Variants in CTNNA2 observed in about 807,000 individuals in gnomAD.
CTNNA2 encodes the protein catenin alpha 2.
In CTNNA2, 42 loss-of-function variants were observed where a neutral mutation model predicts 101.0. The observed-to-expected ratio is 0.42, with a 90% CI of 0.32 to 0.54. The LOEUF is 0.54. CTNNA2 is among the 20% of genes least tolerant of loss of function. CTNNA2 has a pLI of 0.14. For missense variants in CTNNA2, 871 were observed against 1,223.1 expected (o/e 0.71, Z 4.29); for synonymous variants, 450 against 456.4 (o/e 0.99, Z 0.18).
rs184969745 is a variant in CTNNA2 at position 80,493,060 on chromosome 2, A to C, written c.1291-51922A>C. Among the ~76,000 whole-genome samples, 4 of 152,308 alleles carry C rather than the reference A, an allele frequency of 2.6e-5. No homozygotes were observed. The East Asian group carries it at 5.8e-4, about 22-fold the overall frequency. On this transcript the variant is annotated intron_variant, in intron 9 of 18. Coordinates refer to ENST00000402739, the MANE Select transcript of CTNNA2 (RefSeq NM_001282597.3). The stretch of plus-strand genomic sequence containing the variant: ...TGAAAGAAGGTTGGATAAGTGGATA[A>C]GTGGTCTTCATGAGAAAGGAGTGTT...
At chr2:79,223,120 A>G (rs1674366395) in intron 2 of CTNNA2, among the ~76,000 whole-genome samples, 1 of 152,166 alleles carries the variant, frequency 6.6e-6, no homozygotes, top group African/African-American at 2.4e-5. Flanking sequence ...TGTTCGTGCC[A>G]CTGCACTCCA....
chr2:79,717,677 A>AG (rs1338639071), intron 2 of CTNNA2, among the ~76,000 whole-genome samples: 1 of 152,216 alleles, frequency 6.6e-6, no homozygotes, highest in Non-Finnish European at 1.5e-5. Context: ...GGAAAAAATT[A>AG]GGTGTAAATG....
intron 8 of CTNNA2, among the ~76,000 whole-genome samples, chr2:80,410,398 G>A (rs1679462080): frequency 6.6e-6 from 1 of 152,138 alleles, no homozygotes; most frequent in African/African-American, 2.4e-5. Context: ...GCCTTAATTG[G>A]GTAAAATAGA....
intron 7 of CTNNA2, among the ~76,000 whole-genome samples, chr2:80,174,953 C>T (rs1479478826): frequency 1.3e-5 from 2 of 152,134 alleles, no homozygotes; most frequent in African/African-American, 4.8e-5. Flanking sequence ...ATATCACCCT[C>T]ACCTTCACTT....
At chr2:79,410,533 G>A (rs906483347) in intron 4 of CTNNA2, among the ~76,000 whole-genome samples, 1 of 152,144 alleles carries the variant, frequency 6.6e-6, no homozygotes, top group African/African-American at 2.4e-5. Context: ...TTTTGTCAAA[G>A]TTCTTTTCTG....
chr2:80,022,135 G>T (rs1694607610), intron 7 of CTNNA2, among the ~76,000 whole-genome samples: 1 of 152,170 alleles, frequency 6.6e-6, no homozygotes, highest in Admixed American at 6.5e-5. Flanking sequence ...CTATAGTGCT[G>T]ACAGCACCGG....
intron 2 of CTNNA2, among the ~76,000 whole-genome samples, chr2:79,694,134 G>GT (rs145912199): frequency 1.3e-5 from 2 of 151,806 alleles, no homozygotes; most frequent in Non-Finnish European, 1.5e-5. Flanking sequence ...CAAACTTAAT[G>GT]TTTTTTTATA....
intron 7 of CTNNA2, among the ~76,000 whole-genome samples, chr2:79,927,202 G>T (rs1220743036): frequency 6.6e-6 from 1 of 152,168 alleles, no homozygotes; most frequent in Non-Finnish European, 1.5e-5. Flanking sequence ...TCTAAATTAA[G>T]AAATGCATGC....
intron 7 of CTNNA2, among the ~76,000 whole-genome samples, chr2:79,955,998 G>A (rs891993867): frequency 6.6e-6 from 1 of 152,200 alleles, no homozygotes; most frequent in African/African-American, 2.4e-5. Flanking sequence ...CAGTTCACCA[G>A]AATAACAGGA....
rs539454304 is a variant in CTNNA2, at chr2:79,657,604, TAA to T, written c.102+5947_102+5948del. On this transcript the variant is annotated intron_variant, in intron 2 of 18. Coordinates refer to ENST00000402739, the MANE Select transcript of CTNNA2 (RefSeq NM_001282597.3). ...AATCATAATTTTAACATTAAAAGTT[TAA>T]GTCACATTCTAAAACTTTTTAAAGA... 5.4e-4 allele frequency among the ~76,000 whole-genome samples: 82 copies of T among 151,928 alleles called. No individual in the cohort carries two copies. The South Asian group carries it at 0.015, about 28-fold the overall frequency.
chr2:79,706,296 G>C (rs1034026775), intron 2 of CTNNA2, among the ~76,000 whole-genome samples: 2 of 150,410 alleles, frequency 1.3e-5, no homozygotes, highest in African/African-American at 4.9e-5. Context: ...CCGGGAGGCG[G>C]AGCTTGCAGT....
intron 7 of CTNNA2, among the ~76,000 whole-genome samples, chr2:80,083,472 G>T (rs1211122542): frequency 2.0e-5 from 3 of 152,044 alleles, no homozygotes; most frequent in Non-Finnish European, 4.4e-5. Flanking sequence ...GCCTGCAGGG[G>T]TTAGGACCAT....
intron 7 of CTNNA2, among the ~76,000 whole-genome samples, chr2:80,170,418 G>A (rs1704980398): frequency 6.6e-6 from 1 of 152,136 alleles, no homozygotes; most frequent in Admixed American, 6.5e-5. Flanking sequence ...TTTCTACAGT[G>A]AGACCAGTAG....
At chr2:80,025,913 C>G (rs1694896892) in intron 7 of CTNNA2, among the ~76,000 whole-genome samples, 1 of 152,160 alleles carries the variant, frequency 6.6e-6, no homozygotes. Flanking sequence ...AAACAAAAAC[C>G]TAGTTTTCCT....
chr2:79,675,731 G>A (rs930267099), intron 2 of CTNNA2, among the ~76,000 whole-genome samples: 1 of 152,104 alleles, frequency 6.6e-6, no homozygotes, highest in Non-Finnish European at 1.5e-5. Flanking sequence ...GTGATCTTTA[G>A]GGCCTAGAAC....
intron 7 of CTNNA2, among the ~76,000 whole-genome samples, chr2:80,072,067 G>C (rs997017717): frequency 6.6e-6 from 1 of 152,122 alleles, no homozygotes; most frequent in Non-Finnish European, 1.5e-5. Flanking sequence ...GGAGTCTATA[G>C]ATAGACACTG....
chr2:79,361,804 G>A (rs1372805685), intron 3 of CTNNA2, among the ~76,000 whole-genome samples: 1 of 152,126 alleles, frequency 6.6e-6, no homozygotes, highest in Non-Finnish European at 1.5e-5. Context: ...GAAAGATATA[G>A]GTTGGGAGGC....
At chr2:79,579,688 C>T (rs1197645523) in intron 1 of CTNNA2, among the ~76,000 whole-genome samples, 1 of 152,148 alleles carries the variant, frequency 6.6e-6, no homozygotes, top group African/African-American at 2.4e-5. Context: ...GATCTTGGCT[C>T]ACTGCAACCT....
chr2:79,438,779 A>C (rs1050706873), intron 4 of CTNNA2, among the ~76,000 whole-genome samples: 3 of 152,230 alleles, frequency 2.0e-5, no homozygotes, highest in Non-Finnish European at 4.4e-5. Flanking sequence ...ACATTTCTCC[A>C]AAGAATGCAA....
Sources: gnomAD v4.1 joint callset for allele counts (sites outside exome capture counted in the v4.1 genomes callset) on GRCh38, gnomAD v4.1.1 for gene constraint, MANE v1.5 for transcripts, NCBI Gene and HGNC (gene_info 2026-07-23, HGNC 2026-07-21) for gene names.